The following MAGI3 variants were observed in gnomAD, a reference collection of about 807,000 sequenced individuals.
MAGI3 encodes membrane associated guanylate kinase, WW and PDZ domain containing 3.
MAGI3 carries 43 observed loss-of-function variants against 121.8 expected under a neutral mutation model. That is an observed-to-expected ratio of 0.35 (90% confidence interval 0.28 to 0.46). The LOEUF (loss-of-function observed/expected upper bound fraction) is 0.46, where lower values mean the gene tolerates loss of function less well. MAGI3 is among the 20% of genes least tolerant of loss of function. The probability of loss-of-function intolerance (pLI) is 1.00; values close to 1 mark genes in which losing one functional copy is unlikely to be tolerated. For synonymous variants in MAGI3, 553 were observed against 639.3 expected (o/e 0.86, Z 2.04); for missense variants, 1,547 against 1,797.3 (o/e 0.86, Z 2.52).
At chr1:113,646,756 C>G in intron 12 of MAGI3, 114 bp downstream of exon 12, 1 of 788,868 alleles carries the variant, frequency 1.3e-6, no homozygotes, top group Non-Finnish European at 1.9e-6. Flanking sequence ...TCCTTCATTA[C>G]CATTTTAATA....
intron 1 of MAGI3, among the ~76,000 whole-genome samples, chr1:113,414,177 C>T (rs568096763): frequency 9.3e-4 from 141 of 152,170 alleles, no homozygotes; most frequent in South Asian, 3.9e-3. Context: ...TGATGGATTA[C>T]GTTTATTGAT....
intron 3 of MAGI3, among the ~76,000 whole-genome samples, chr1:113,584,954 T>C (rs1648261493): frequency 2.1e-5 from 3 of 139,754 alleles, no homozygotes; most frequent in African/African-American, 8.1e-5. Flanking sequence ...TTTTGGCCAA[T>C]GGTAGATATT....
chr1:113,550,103 G>A (rs560448247), intron 2 of MAGI3, among the ~76,000 whole-genome samples: 2 of 125,444 alleles, frequency 1.6e-5, no homozygotes, highest in African/African-American at 6.1e-5. Flanking sequence ...GTGACAGAGC[G>A]ATACTCTGTC....
chr1:113,574,070 G>T (rs1373322699), intron 2 of MAGI3, among the ~76,000 whole-genome samples: 1 of 150,038 alleles, frequency 6.7e-6, no homozygotes, highest in Admixed American at 6.7e-5. Context: ...CATTTATTTT[G>T]AGCCTGTGTG....
chr1:113,522,784 G>A (rs1030417145), intron 1 of MAGI3, among the ~76,000 whole-genome samples: 3 of 152,098 alleles, frequency 2.0e-5, no homozygotes, highest in African/African-American at 7.2e-5. Context: ...AAGTGTGTGT[G>A]TAATTTTTTT....
chr1:113,469,761 A>G (rs751119213), intron 1 of MAGI3, among the ~76,000 whole-genome samples: 10 of 152,152 alleles, frequency 6.6e-5, no homozygotes, highest in Non-Finnish European at 1.5e-4. Context: ...TTTGGGATGA[A>G]GCAAAAAGGC....
chr1:113,682,877 C>T lies in MAGI3; in HGVS notation c.3329-20C>T. ...GTAATTCTAAAATTTAATAATGTTC[C>T]ATTCAAATCACTTTTTTAGGTGATT... is the stretch of plus-strand genomic sequence containing the variant. On this transcript the variant is annotated intron_variant, in intron 20 of 20. Coordinates refer to ENST00000307546, the MANE Select transcript of MAGI3 (RefSeq NM_001142782.2). 1.3e-6 allele frequency: 2 copies of T among 1,531,836 alleles called. No individual in the cohort carries two copies. The highest frequency in any genetic ancestry group is 1.3e-5 in the South Asian group (1 of 76,450). The allele number at this position is 1,531,836 out of a possible 1,614,324, so 94.9% of individuals were successfully genotyped here.
intron 1 of MAGI3, among the ~76,000 whole-genome samples, chr1:113,447,895 C>G (rs1654264563): frequency 1.3e-5 from 2 of 151,984 alleles, no homozygotes; most frequent in African/African-American, 4.8e-5. Flanking sequence ...TATATAATTC[C>G]AGAACATTTT....
intron 19 of MAGI3, among the ~76,000 whole-genome samples, chr1:113,679,709 ATT>A (rs34782120): frequency 4.8e-5 from 7 of 144,582 alleles, no homozygotes; most frequent in Admixed American, 6.9e-5. Context: ...CTGAAAAATG[ATT>A]TTTTTTTTTT....
rs538722639 is a variant in MAGI3, at chr1:113,585,343, C to A, written c.554-44C>A. ...CACTAGGTCAAATTGCTCTGACTCT[C>A]ACTGCAACATTAGTAATTTCAGCTG... On this transcript the variant is annotated intron_variant, in intron 3 of 20. Coordinates refer to ENST00000307546, the MANE Select transcript of MAGI3 (RefSeq NM_001142782.2). 36 of 1,569,740 alleles carry A rather than the reference C, an allele frequency of 2.3e-5. No homozygotes were observed. The South Asian group carries it at 3.8e-4, about 17-fold the overall frequency.
At chr1:113,675,041 G>A (rs752311127) in intron 19 of MAGI3, among the ~76,000 whole-genome samples, 10 of 152,208 alleles carry the variant, frequency 6.6e-5, no homozygotes, top group East Asian at 1.9e-4. Flanking sequence ...TAGAAAATGC[G>A]TAGATGAATA....
At chr1:113,581,417 C>G (rs1408000997) in intron 3 of MAGI3, among the ~76,000 whole-genome samples, 1 of 152,128 alleles carries the variant, frequency 6.6e-6, no homozygotes, top group Non-Finnish European at 1.5e-5. Flanking sequence ...CATTTGTGTT[C>G]TATCCAAAAG....
At chr1:113,601,150 A>C (rs1409072808) in intron 6 of MAGI3, among the ~76,000 whole-genome samples, 4 of 152,042 alleles carry the variant, frequency 2.6e-5, no homozygotes, top group Non-Finnish European at 5.9e-5. Context: ...CATTCAGGAC[A>C]TAGGCATGGG....
intron 6 of MAGI3, among the ~76,000 whole-genome samples, chr1:113,599,673 A>C (rs1384055121): frequency 4.6e-5 from 7 of 151,376 alleles, no homozygotes; most frequent in Non-Finnish European, 8.8e-5. Context: ...TCCTTCTGAA[A>C]CTATTCCAAT....
At chr1:113,415,395 C>T (rs910916335) in intron 1 of MAGI3, among the ~76,000 whole-genome samples, 1 of 151,998 alleles carries the variant, frequency 6.6e-6, no homozygotes, top group Non-Finnish European at 1.5e-5. Context: ...GAACATCTAA[C>T]ACTAATTGGC....
At chr1:113,519,836 T>G (rs1658089914) in intron 1 of MAGI3, among the ~76,000 whole-genome samples, 1 of 152,210 alleles carries the variant, frequency 6.6e-6, no homozygotes, top group African/African-American at 2.4e-5. Context: ...GTAAACCATA[T>G]TGTTTGCACA....
intron 1 of MAGI3, among the ~76,000 whole-genome samples, chr1:113,503,118 A>G (rs1433928065): frequency 1.0e-5 from 1 of 95,412 alleles, no homozygotes; most frequent in African/African-American, 4.5e-5. Flanking sequence ...ACCTAATGCT[A>G]GATGACACAT....
At chr1:113,598,846 T>C (rs1215755137) in intron 6 of MAGI3, among the ~76,000 whole-genome samples, 1 of 152,098 alleles carries the variant, frequency 6.6e-6, no homozygotes, top group African/African-American at 2.4e-5. Flanking sequence ...ACAGAACAAT[T>C]CTAACCAAGA....
intron 1 of MAGI3, among the ~76,000 whole-genome samples, chr1:113,451,676 T>C (rs1483758768): frequency 2.6e-5 from 4 of 152,164 alleles, no homozygotes; most frequent in South Asian, 2.1e-4. Context: ...AGCAACTATA[T>C]GTATATTTCC....
Sources: allele counts gnomAD v4.1 joint callset (sites outside exome capture counted in the v4.1 genomes callset), GRCh38; gene constraint gnomAD v4.1.1; transcripts MANE v1.5; gene names NCBI Gene and HGNC (gene_info 2026-07-23, HGNC 2026-07-21).